Variants in KCNH1 observed in about 807,000 individuals in gnomAD.
The protein encoded by KCNH1 is voltage-gated delayed rectifier potassium channel KCNH1.
KCNH1 carries 27 observed loss-of-function variants against 69.2 expected under a neutral mutation model. The observed-to-expected ratio is 0.39, with a 90% confidence interval of 0.29 to 0.54. KCNH1 has a LOEUF of 0.54. Ranked by LOEUF, KCNH1 falls within the 20% of genes least tolerant of loss-of-function variation. The pLI, the probability that KCNH1 is intolerant of heterozygous loss-of-function variation, is 0.68. For missense variants in KCNH1, 798 were observed against 1,261.6 expected (o/e 0.63, Z 5.57); for synonymous variants, 456 against 487.7 (o/e 0.93, Z 0.86).
intron 3 of KCNH1, among the ~76,000 whole-genome samples, chr1:211,102,751 G>A (rs184315425): frequency 6.6e-5 from 10 of 152,246 alleles, no homozygotes; most frequent in Non-Finnish European, 1.0e-4. Context: ...GGACCACCCC[G>A]GAGTTGTTCA....
At chr1:211,015,368 G>A (rs1196222194) in intron 6 of KCNH1, among the ~76,000 whole-genome samples, 1 of 152,170 alleles carries the variant, frequency 6.6e-6, no homozygotes, top group Non-Finnish European at 1.5e-5. Flanking sequence ...GTGATTATAT[G>A]ATATGTTATT....
At chr1:211,069,305 A>G (rs1263978561) in intron 5 of KCNH1, among the ~76,000 whole-genome samples, 2 of 121,022 alleles carry the variant, frequency 1.7e-5, no homozygotes, top group African/African-American at 6.3e-5. Context: ...CTACCATCAC[A>G]TTACTAAATG....
rs1490048335 is a variant in KCNH1, at chr1:210,683,989, A to G, written c.2262T>C (p.Ala754=). ...FRQQKEARLA[A]ERGGRDLDDL... ...CATCCAGGTCCCGGCCCCCTCTCTC[A>G]GCTGCCAGCCTGGCCTCTTTCTGCT... The change falls in exon 11 of 11, where the codon GCT becomes GCC. Residue 754 remains alanine, a synonymous_variant. Coordinates refer to ENST00000271751, the MANE Select transcript of KCNH1 (RefSeq NM_172362.3). This position sits in a 1 kb window ranked among gnomAD's most constrained non-coding sequence, Gnocchi z 5.7. 11 of 1,598,908 alleles carry G rather than the reference A, an allele frequency of 6.9e-6. No homozygotes were observed. The highest frequency in any genetic ancestry group is 9.4e-6 in the Non-Finnish European group (11 of 1,168,756).
chr1:210,860,305 T>G (rs1227807564), intron 7 of KCNH1: 2 of 1,348,474 alleles, frequency 1.5e-6, no homozygotes, highest in Non-Finnish European at 2.1e-6. Context: ...TGTCAGGCTA[T>G]GCGCTAAAGA....
chr1:210,731,865 G>A (rs1211241386), intron 10 of KCNH1, among the ~76,000 whole-genome samples: 2 of 152,104 alleles, frequency 1.3e-5, no homozygotes, highest in African/African-American at 4.8e-5. Context: ...CAGCTTGGCA[G>A]GGTGCTCTAC....
At chr1:211,127,051 C>A (rs1207858685) in intron 1 of KCNH1, among the ~76,000 whole-genome samples, 1 of 152,102 alleles carries the variant, frequency 6.6e-6, no homozygotes, top group Non-Finnish European at 1.5e-5. Flanking sequence ...TCCCTTAAAT[C>A]TTTGGAGAGG....
chr1:210,884,210 C>T (rs1364813258), intron 7 of KCNH1, among the ~76,000 whole-genome samples: 1 of 152,194 alleles, frequency 6.6e-6, no homozygotes, highest in African/African-American at 2.4e-5. Context: ...ATGCCAAGAA[C>T]AAACTAAGCC....
At chr1:210,704,233 T>C (rs1337517430) in intron 10 of KCNH1, among the ~76,000 whole-genome samples, 1 of 152,200 alleles carries the variant, frequency 6.6e-6, no homozygotes, top group Non-Finnish European at 1.5e-5. Context: ...AGTACAATGC[T>C]CTGCTGTCTC....
At chr1:211,055,347 C>A (rs1313829049) in intron 5 of KCNH1, among the ~76,000 whole-genome samples, 1 of 152,120 alleles carries the variant, frequency 6.6e-6, no homozygotes, top group Non-Finnish European at 1.5e-5. Flanking sequence ...CAGCTGGTAC[C>A]CATGGAGGGA....
At chr1:210,836,852 C>A (rs900606837) in intron 7 of KCNH1, among the ~76,000 whole-genome samples, 3 of 152,184 alleles carry the variant, frequency 2.0e-5, no homozygotes, top group African/African-American at 7.2e-5. Flanking sequence ...CCTGGAGAAG[C>A]AGGAAAAGCT....
chr1:210,894,280 C>T (rs2102526714), intron 7 of KCNH1, among the ~76,000 whole-genome samples: 1 of 152,212 alleles, frequency 6.6e-6, no homozygotes, highest in East Asian at 1.9e-4. Context: ...GTTAAGTGGA[C>T]CCAGAGCATT....
chr1:210,996,356 G>A (rs1210197557), intron 6 of KCNH1, among the ~76,000 whole-genome samples: 4 of 152,196 alleles, frequency 2.6e-5, no homozygotes, highest in Non-Finnish European at 5.9e-5. Context: ...TGGTTCGGAG[G>A]GTCCTACGCC....
intron 1 of KCNH1, among the ~76,000 whole-genome samples, chr1:211,110,921 G>A (rs756226728): frequency 2.0e-5 from 3 of 152,080 alleles, no homozygotes; most frequent in Non-Finnish European, 4.4e-5. Context: ...GAAACTATAA[G>A]AAGAAAGCTA....
intron 5 of KCNH1, among the ~76,000 whole-genome samples, chr1:211,033,915 CAA>C (rs200651581): frequency 6.9e-6 from 1 of 144,542 alleles, no homozygotes; most frequent in African/African-American, 2.5e-5. Context: ...AAAGTATAAT[CAA>C]AAAAAAAAAG....
chr1:211,071,234 T>G (rs927155917), intron 5 of KCNH1, among the ~76,000 whole-genome samples: 1 of 152,200 alleles, frequency 6.6e-6, no homozygotes, highest in Non-Finnish European at 1.5e-5. Context: ...CCCCAATCTA[T>G]GATACATATG....
intron 5 of KCNH1, among the ~76,000 whole-genome samples, chr1:211,058,406 A>T (rs983818207): frequency 7.9e-5 from 12 of 151,998 alleles, no homozygotes; most frequent in Non-Finnish European, 1.3e-4. Flanking sequence ...TATATTTTTT[A>T]AGACAGTACA....
chr1:211,050,260 TAA>T (rs747498526), intron 5 of KCNH1, among the ~76,000 whole-genome samples: 58 of 58,546 alleles, frequency 9.9e-4, no homozygotes, highest in Admixed American at 3.1e-3. Context: ...CACACATTCT[TAA>T]AAAAAAAAAA....
intron 5 of KCNH1, among the ~76,000 whole-genome samples, chr1:211,055,758 G>GC (rs1310619541): frequency 1.3e-5 from 2 of 152,036 alleles, no homozygotes; most frequent in Admixed American, 1.3e-4. Context: ...AAGTTCTGGG[G>GC]CCCCCCCATT....
rs562719288 is a variant in KCNH1, at chr1:210,761,924, C to T, written c.2112+13424G>A. Among the ~76,000 whole-genome samples the T allele has an allele frequency of 2.0e-5, 3 of 152,204 alleles. No individual in the cohort carries two copies. The South Asian group carries it at 6.2e-4, about 32-fold the overall frequency. On this transcript the variant is annotated intron_variant, in intron 10 of 10. Transcript: ENST00000271751. ...AATAGACATCTACAGAATACTCTAC[C>T]CAACAACCACACAGTATACATTCTT...
Sources: allele counts gnomAD v4.1 joint callset (sites outside exome capture counted in the v4.1 genomes callset), GRCh38; gene constraint gnomAD v4.1.1; non-coding constraint Gnocchi (gnomAD v3.1); transcripts MANE v1.5; gene names NCBI Gene and HGNC (gene_info 2026-07-23, HGNC 2026-07-21).